The following FAH variants were observed in gnomAD, a reference collection of about 807,000 sequenced individuals.
The protein encoded by FAH is fumarylacetoacetate hydrolase, also known as fumarylacetoacetase.
FAH carries 47 observed loss-of-function variants against 55.8 expected under a neutral mutation model. That is an observed-to-expected ratio of 0.84 (90% CI 0.67 to 1.07). The LOEUF is 1.07. Ranked by LOEUF, FAH falls within the 50% of genes least tolerant of loss-of-function variation. The pLI, the probability that FAH is intolerant of heterozygous loss-of-function variation, is 0.00. For missense variants in FAH, 495 were observed against 545.9 expected, an observed-to-expected ratio of 0.91 and a Z score of 0.93; for synonymous variants, 199 against 207.7, an observed-to-expected ratio of 0.96 and a Z score of 0.36.
chr15:80,160,726 A>G (rs1436328129), intron 4 of FAH, among the ~76,000 whole-genome samples: 2 of 152,156 alleles, frequency 1.3e-5, no homozygotes, highest in Admixed American at 6.5e-5. Flanking sequence ...TGCACAGCAA[A>G]TTGCTTTCCT....
At chr15:80,175,654 G>C (rs1044661946) in intron 10 of FAH, among the ~76,000 whole-genome samples, 3 of 152,194 alleles carry the variant, frequency 2.0e-5, no homozygotes, top group Admixed American at 2.0e-4. Context: ...TGCTCAGCCC[G>C]CCTCCGCGAA....
intron 6 of FAH, 47 bp from the exon 7 acceptor site, chr15:80,168,217 G>T: frequency 6.2e-7 from 1 of 1,608,622 alleles, no homozygotes; most frequent in Non-Finnish European, 8.5e-7. Context: ...GAGTTCTGTG[G>T]CCTCACTCAC....
rs557091145 is a variant in FAH, at chr15:80,155,152, C to T, written c.81+2017C>T. Among the ~76,000 whole-genome samples the T allele has an allele frequency of 1.1e-4, 17 of 152,318 alleles. No homozygotes were observed. In the South Asian group the frequency reaches 3.3e-3, roughly 30 times the overall value. On this transcript the variant is annotated intron_variant, in intron 1 of 13. Transcript: ENST00000561421. ...TTAAATGTCACCTCCTAAGCACCCTCTCTGAATGAGCTCCCCGCTGCGGCC... is the reference window on the plus strand; with the variant it reads ...TTAAATGTCACCTCCTAAGCACCCTTTCTGAATGAGCTCCCCGCTGCGGCC...
chr15:80,175,001 G>A lies in FAH; in HGVS notation c.838-15G>A, dbSNP rs776913887. The A allele has an allele frequency of 5.6e-6, 9 of 1,613,450 alleles. No individual in the cohort carries two copies. The African/African-American group carries it at 9.3e-5, about 17-fold the overall frequency. On this transcript the variant is annotated splice_polypyrimidine_tract_variant and intron_variant, in intron 9 of 13. Transcript: ENST00000561421. ...CACCTGCCAGTGACCTCTGTGCTGT[G>A]CTTTGCCCTCTCAGGACCCCAGGCC...
At chr15:80,184,872 G>A (rs998164797) in intron 13 of FAH, among the ~76,000 whole-genome samples, 13 of 151,976 alleles carry the variant, frequency 8.6e-5, no homozygotes, top group African/African-American at 2.9e-4. Flanking sequence ...CTAGCTACCC[G>A]TCAAGGCCCA....
chr15:80,179,705 G>A (rs531068861), intron 11 of FAH, among the ~76,000 whole-genome samples: 3 of 152,364 alleles, frequency 2.0e-5, no homozygotes, highest in African/African-American at 4.8e-5. Context: ...CTTTGCTCAC[G>A]AGAAGCCTCT....
chr15:80,181,476 C>T (rs1397273524), intron 13 of FAH, among the ~76,000 whole-genome samples: 2 of 152,128 alleles, frequency 1.3e-5, no homozygotes, highest in Non-Finnish European at 2.9e-5. Context: ...CACTTGGTGA[C>T]CTATGACTAG....
chr15:80,175,148 G>A (rs2041272301), intron 10 of FAH, 57 bp downstream of exon 10: 2 of 1,512,868 alleles, frequency 1.3e-6, no homozygotes, highest in South Asian at 2.2e-5. Context: ...GTGCCTGTGT[G>A]CCTTGTCCTG....
intron 1 of FAH, among the ~76,000 whole-genome samples, chr15:80,154,068 G>GTGGGC (rs1478442399): frequency 2.6e-5 from 4 of 152,172 alleles, no homozygotes; most frequent in African/African-American, 4.8e-5. Flanking sequence ...TGCGGTAAGT[G>GTGGGC]CTTTGGTCTA....
chr15:80,167,979 T>C, intron 5 of FAH, 73 bp from the exon 6 acceptor site: 1 of 1,251,498 alleles, frequency 8.0e-7, no homozygotes, highest in Non-Finnish European at 1.2e-6. Flanking sequence ...TTTCTAGTTT[T>C]TGAAGTTTTT....
At position 80,175,036 on chromosome 15, in the gene FAH, T is replaced by G; in HGVS notation, c.858T>G (p.Tyr286Ter). Residue 286 changes from tyrosine (Y) to a stop codon, truncating the protein, a stop_gained, in exon 10 of 14, where the codon TAT becomes TAG. Transcript: ENST00000561421. LOFTEE classifies it high-confidence loss of function. ...CTCAGGACCCCAGGCCCCTGCCGTATCTGTGCCATGACGAGCCCTACACAT... is the reference window on the plus strand; with the variant it reads ...CTCAGGACCCCAGGCCCCTGCCGTAGCTGTGCCATGACGAGCCCTACACAT... ...NPKQDPRPLP[Y>*]LCHDEPYTFD... is the part of the protein sequence containing the mutation. 2 of 1,614,114 alleles carry G rather than the reference T, an allele frequency of 1.2e-6. No homozygotes were observed. Among genetic ancestry groups the G allele is most frequent in the Non-Finnish European group, 1.7e-6 (2 of 1,179,998 alleles).
chr15:80,167,958 G>A (rs2041207487), intron 5 of FAH, 94 bp from the exon 6 acceptor site: 1 of 993,776 alleles, frequency 1.0e-6, no homozygotes, highest in Admixed American at 1.8e-5. Flanking sequence ...TGTGTATGTG[G>A]CGACTCTTTG....
intron 13 of FAH, 29 bp from the exon 14 acceptor site, chr15:80,186,101 T>C: frequency 6.2e-7 from 1 of 1,605,360 alleles, no homozygotes; most frequent in East Asian, 2.2e-5. Flanking sequence ...AGCAACTTTG[T>C]GACTGATCCT....
chr15:80,185,391 G>A (rs74334216), intron 13 of FAH, among the ~76,000 whole-genome samples: 3 of 152,192 alleles, frequency 2.0e-5, no homozygotes, highest in Admixed American at 1.3e-4. Context: ...GGGACCCAAG[G>A]TTACAGAGCC....
chr15:80,176,587 G>A (rs1314843995), intron 10 of FAH, among the ~76,000 whole-genome samples: 1 of 152,196 alleles, frequency 6.6e-6, no homozygotes, highest in Non-Finnish European at 1.5e-5. Flanking sequence ...GAGAGGAAAA[G>A]GATTCACCCC....
intron 13 of FAH, among the ~76,000 whole-genome samples, chr15:80,182,335 C>T (rs774909542): frequency 2.6e-5 from 4 of 152,066 alleles, no homozygotes; most frequent in Admixed American, 6.5e-5. Context: ...GGGATTTGGC[C>T]GTAATTTAGT....
intron 7 of FAH, among the ~76,000 whole-genome samples, chr15:80,171,771 A>G (rs1478233217): frequency 6.6e-6 from 1 of 152,174 alleles, no homozygotes; most frequent in Admixed American, 6.5e-5. Flanking sequence ...CTGGTTTTTC[A>G]TGACATGAAT....
chr15:80,164,416 T>G (rs896834855), intron 5 of FAH, among the ~76,000 whole-genome samples: 1 of 152,220 alleles, frequency 6.6e-6, no homozygotes, highest in African/African-American at 2.4e-5. Context: ...AGTATCCCTA[T>G]CTCAAGATCC....
At position 80,186,311 on chromosome 15, in the gene FAH, C is replaced by A. The variant is rs1459617244; in HGVS notation, c.*102C>A. On this transcript the variant is annotated 3_prime_UTR_variant, in exon 14 of 14. Coordinates refer to ENST00000561421, the MANE Select transcript of FAH (RefSeq NM_000137.4). The stretch of plus-strand genomic sequence containing the variant: ...GTAGGCCTGGTCCGCCATTCAGTGA[C>A]AAATAAAGCCATTGTGCTCTGAGGC... 5.6e-6 allele frequency: 5 copies of A among 898,554 alleles called. No individual in the cohort carries two copies. In the East Asian group the frequency reaches 7.3e-5, roughly 13 times the overall value. The allele number at this position is 898,554 out of a possible 1,614,324, so 55.7% of individuals were successfully genotyped here. A position where few individuals can be genotyped will look rare whatever the true frequency, so the allele number is the denominator to read the frequency against.
Sources: gnomAD v4.1 joint callset for allele counts (sites outside exome capture counted in the v4.1 genomes callset) on GRCh38, gnomAD v4.1.1 for gene constraint, MANE v1.5 for transcripts, NCBI Gene and HGNC (gene_info 2026-07-23, HGNC 2026-07-21) for gene names.